The following CNTNAP2 variants were observed in gnomAD, a reference collection of about 807,000 sequenced individuals.
CNTNAP2 encodes contactin-associated protein-like 2.
In CNTNAP2, 98 loss-of-function variants were observed where a neutral mutation model predicts 155.2. The ratio of observed to expected loss-of-function variants is 0.63; its 90% confidence interval spans 0.54 to 0.75. The LOEUF is 0.75. CNTNAP2 is among the 30% of genes least tolerant of loss of function. The probability of loss-of-function intolerance (pLI) is 0.00; values close to 1 mark genes in which losing one functional copy is unlikely to be tolerated. For synonymous variants in CNTNAP2, 651 were observed against 631.2 expected, an observed-to-expected ratio of 1.03 and a Z score of -0.47; for missense variants, 1,727 against 1,688.1, an observed-to-expected ratio of 1.02 and a Z score of -0.40.
chr7:146,144,352 A>G (rs1393984564), intron 1 of CNTNAP2, among the ~76,000 whole-genome samples: 1 of 151,998 alleles, frequency 6.6e-6, no homozygotes, highest in Admixed American at 6.6e-5. Flanking sequence ...GGCTTTCACC[A>G]CATTGCCCAG....
chr7:147,181,978 A>G lies in CNTNAP2; in HGVS notation c.1348+49469A>G, dbSNP rs552680709. ...CGTCCATACTAAAAATACAAAAATT[A>G]GCTGGGCATGGTGGCATGCACCTGT... On this transcript the variant is annotated intron_variant, in intron 8 of 23. Transcript: ENST00000361727. Among the ~76,000 whole-genome samples the G allele has an allele frequency of 3.9e-5, 6 of 152,152 alleles. No individual in the cohort carries two copies. In the East Asian group the frequency reaches 9.7e-4, roughly 25 times the overall value.
At chr7:148,241,354 A>T (rs1471645629) in intron 20 of CNTNAP2, among the ~76,000 whole-genome samples, 1 of 152,210 alleles carries the variant, frequency 6.6e-6, no homozygotes, top group African/African-American at 2.4e-5. Flanking sequence ...GCTCTTTGGG[A>T]CTATGGTTTC....
intron 1 of CNTNAP2, among the ~76,000 whole-genome samples, chr7:146,310,258 A>T (rs1046152818): frequency 6.6e-6 from 1 of 152,194 alleles, no homozygotes; most frequent in African/African-American, 2.4e-5. Context: ...GCTGACATTT[A>T]ATTAAAATGA....
Position 146,714,640 on chromosome 7 carries a change from A to G in CNTNAP2, c.98-59631A>G, listed in dbSNP as rs1190180526. ...ATGTCCATGGTCATAGGAACATAGA[A>G]TCAGACAAAAGTTTTCGAGTTAAGA... On this transcript the variant is annotated intron_variant, in intron 1 of 23. Transcript: ENST00000361727. Among the ~76,000 whole-genome samples the G allele has an allele frequency of 4.6e-5, 7 of 152,216 alleles. No individual in the cohort carries two copies. In the East Asian group the frequency reaches 5.8e-4, roughly 13 times the overall value.
At chr7:147,956,958 G>A (rs867164364) in intron 14 of CNTNAP2, among the ~76,000 whole-genome samples, 12 of 152,164 alleles carry the variant, frequency 7.9e-5, no homozygotes, top group African/African-American at 2.2e-4. Flanking sequence ...TCCATGTAAC[G>A]CATAACTGGT....
At chr7:147,192,805 C>T (rs1450208866) in intron 8 of CNTNAP2, among the ~76,000 whole-genome samples, 1 of 152,124 alleles carries the variant, frequency 6.6e-6, no homozygotes, top group Admixed American at 6.6e-5. Flanking sequence ...GATTTTTGTG[C>T]TGCCAAATAA....
intron 22 of CNTNAP2, among the ~76,000 whole-genome samples, chr7:148,394,081 T>C (rs1204873692): frequency 1.3e-5 from 2 of 152,150 alleles, no homozygotes; most frequent in African/African-American, 2.4e-5. Flanking sequence ...TTTATGGCTT[T>C]TGGGTTTTGT....
intron 14 of CNTNAP2, among the ~76,000 whole-genome samples, chr7:147,957,722 A>T (rs182456677): frequency 6.7e-4 from 102 of 152,334 alleles, no homozygotes; most frequent in African/African-American, 2.3e-3. Context: ...CATGAACATT[A>T]TGTTAGATAC....
rs909090809 is a variant in CNTNAP2, at chr7:146,721,170, A to C, written c.98-53101A>C. On this transcript the variant is annotated intron_variant, in intron 1 of 23. Coordinates refer to ENST00000361727, the MANE Select transcript of CNTNAP2 (RefSeq NM_014141.6). The stretch of plus-strand genomic sequence containing the variant: ...TATATTCTATATATATATTCTCTCT[A>C]TATATTCCATATATATATTCTCTAT... Among the ~76,000 whole-genome samples, 9 of 131,228 alleles carry C rather than the reference A, an allele frequency of 6.9e-5. No homozygotes were observed. The East Asian group carries it at 8.9e-4, about 13-fold the overall frequency. 86.1% of individuals were successfully genotyped at this position (131,228 alleles called of 152,430 possible). A position where few individuals can be genotyped will look rare whatever the true frequency, so the allele number is the denominator to read the frequency against.
chr7:147,981,656 T>A lies in CNTNAP2; in HGVS notation c.2383+3667T>A, dbSNP rs549808017. Among the ~76,000 whole-genome samples the A allele has an allele frequency of 7.9e-5, 12 of 152,354 alleles. No homozygotes were observed. In the South Asian group the frequency reaches 2.5e-3, roughly 32 times the overall value. On this transcript the variant is annotated intron_variant, in intron 15 of 23. Transcript: ENST00000361727. ...TTTTGGTTGATTTCATCATGCCTGC[T>A]GAGTTTCATTTTTGCTTTGATTCGT...
At chr7:147,589,390 A>G (rs1800696367) in intron 12 of CNTNAP2, among the ~76,000 whole-genome samples, 1 of 152,128 alleles carries the variant, frequency 6.6e-6, no homozygotes, top group Non-Finnish European at 1.5e-5. Context: ...TAATATAATA[A>G]AGGCTTATGG....
intron 13 of CNTNAP2, among the ~76,000 whole-genome samples, chr7:147,881,066 T>A (rs73166262): frequency 0.23 from 35,343 of 152,080 alleles, 4,749 homozygotes; most frequent in Middle Eastern, 0.37. Flanking sequence ...CAGGAGAAGA[T>A]GGTATTCCTA....
intron 17 of CNTNAP2, among the ~76,000 whole-genome samples, chr7:148,153,753 A>G (rs528190037): frequency 6.6e-6 from 1 of 152,330 alleles, no homozygotes; most frequent in African/African-American, 2.4e-5. Flanking sequence ...GGGAGAAGGC[A>G]AGATATCTGC....
intron 13 of CNTNAP2, among the ~76,000 whole-genome samples, chr7:147,718,491 C>G (rs1796515483): frequency 6.6e-6 from 1 of 152,066 alleles, no homozygotes; most frequent in South Asian, 2.1e-4. Flanking sequence ...GCATAAGAAT[C>G]ACTAGTACTT....
At chr7:146,632,387 T>C (rs1799524245) in intron 1 of CNTNAP2, among the ~76,000 whole-genome samples, 1 of 152,192 alleles carries the variant, frequency 6.6e-6, no homozygotes, top group South Asian at 2.1e-4. Flanking sequence ...AATGAATTTT[T>C]AGTACTAAAT....
chr7:148,288,798 C>G (rs145542624), intron 21 of CNTNAP2, among the ~76,000 whole-genome samples: 102 of 151,942 alleles, frequency 6.7e-4, no homozygotes, highest in African/African-American at 2.4e-3. Flanking sequence ...AGAGAAGTGA[C>G]TCATAAGCCA....
At chr7:148,053,909 T>A (rs887480103) in intron 15 of CNTNAP2, among the ~76,000 whole-genome samples, 24 of 151,898 alleles carry the variant, frequency 1.6e-4, no homozygotes, top group Non-Finnish European at 1.3e-4. Flanking sequence ...CAGGCTGAGA[T>A]AATGGAAAAG....
chr7:146,943,493 A>G (rs999324728), intron 3 of CNTNAP2, among the ~76,000 whole-genome samples: 3 of 152,216 alleles, frequency 2.0e-5, no homozygotes, highest in African/African-American at 7.2e-5. Flanking sequence ...TTCTGTCTCA[A>G]ACAAACAAAG....
intron 1 of CNTNAP2, among the ~76,000 whole-genome samples, chr7:146,618,104 T>C (rs1321379201): frequency 6.6e-6 from 1 of 152,152 alleles, no homozygotes; most frequent in Non-Finnish European, 1.5e-5. Flanking sequence ...CATCATTCCT[T>C]GAATCTTCAA....
Sources: gnomAD v4.1 joint callset for allele counts (sites outside exome capture counted in the v4.1 genomes callset) on GRCh38, gnomAD v4.1.1 for gene constraint, MANE v1.5 for transcripts, NCBI Gene and HGNC (gene_info 2026-07-23, HGNC 2026-07-21) for gene names.